CALHM1: variants seen among roughly 807,000 people sequenced by gnomAD.
CALHM1 encodes calcium homeostasis modulator 1.
CALHM1 carries 11 observed loss-of-function variants against 14.8 expected under a neutral mutation model. That is an observed-to-expected ratio of 0.74 (90% CI 0.47 to 1.23). The LOEUF is 1.23. Ranked by LOEUF, CALHM1 falls within the 50% of genes most tolerant of loss-of-function variation. The pLI, the probability that CALHM1 is intolerant of heterozygous loss-of-function variation, is 0.00. For missense variants in CALHM1, 458 were observed against 496.4 expected, an observed-to-expected ratio of 0.92 and a Z score of 0.74; for synonymous variants, 215 against 218.9, an observed-to-expected ratio of 0.98 and a Z score of 0.16.
rs2033104664 is a variant in CALHM1, at chr10:103,453,952, GCCAAGATCAAAATGAATCCTT to G, written c.*1289_*1309del. 6.6e-6 allele frequency: 1 copy of G among 152,230 alleles called. No homozygotes were observed. The highest frequency in any genetic ancestry group is 1.5e-5 in the Non-Finnish European group (1 of 68,046). 9.4% of individuals were successfully genotyped at this position (152,230 alleles called of 1,614,324 possible). On this transcript the variant is annotated 3_prime_UTR_variant, in exon 2 of 2. Transcript: ENST00000329905. ...GATGGATAAAAAAGGATGGAATCAT[GCCAAGATCAAAATGAATCCTT>G]AGATGCTTGGGACTTATGTCTCAGA...
At position 103,455,348 on chromosome 10, in the gene CALHM1, C is replaced by G. The variant is rs781144271; in HGVS notation, c.955G>C (p.Glu319Gln). The change falls in exon 2 of 2, where the codon GAG (glutamate) becomes CAG (glutamine). Residue 319 changes from glutamate (E) to glutamine (Q), a missense_variant. By Grantham distance (29) the Glu-to-Gln change is conservative. Coordinates refer to ENST00000329905, the MANE Select transcript of CALHM1 (RefSeq NM_001001412.4). Reference sequence around the variant, plus strand: ...CAGCCGTTGCCCATCAGCGGTGGCTCCTCCTGGCCCAGCCGCAGAGGCGGT... The same window carrying G: ...CAGCCGTTGCCCATCAGCGGTGGCTGCTCCTGGCCCAGCCGCAGAGGCGGT... The part of the protein sequence containing the change: ...CKPPLRLGQE[E>Q]PPLMGNGWAG... 2 of 1,613,524 alleles carry G rather than the reference C, an allele frequency of 1.2e-6. No individual in the cohort carries two copies. Among genetic ancestry groups the G allele is most frequent in the South Asian group, 2.2e-5 (2 of 91,074 alleles).
At chr10:103,457,676 GTCA>G (rs2033166703) in intron 1 of CALHM1, among the ~76,000 whole-genome samples, 1 of 152,188 alleles carries the variant, frequency 6.6e-6, no homozygotes, top group Non-Finnish European at 1.5e-5. Context: ...TGGCTGACCC[GTCA>G]GTGGTCTCTC....
chr10:103,455,780 T>A (rs2033143427), intron 1 of CALHM1, 33 bp from the exon 2 acceptor site: 1 of 1,594,090 alleles, frequency 6.3e-7, no homozygotes, highest in African/African-American at 1.3e-5. Context: ...CACGGGGCAC[T>A]GTCCTTGGGC....
Position 103,458,409 on chromosome 10 carries a change from C to T in CALHM1, c.343G>A (p.Val115Met), listed in dbSNP as rs780587749. 6 of 1,608,916 alleles carry T rather than the reference C, an allele frequency of 3.7e-6. No individual in the cohort carries two copies. Among genetic ancestry groups the T allele is most frequent in the South Asian group, 1.1e-5 (1 of 90,852 alleles). Residue 115 changes from valine to methionine, a missense_variant, in exon 1 of 2, where the codon GTG becomes ATG. Val to Met is a conservative substitution (Grantham distance 21, BLOSUM62 1). Coordinates refer to ENST00000329905, the MANE Select transcript of CALHM1 (RefSeq NM_001001412.4). This position sits in a 1 kb window ranked among gnomAD's most constrained non-coding sequence, Gnocchi z 4.9. ...TTGCCGTCGAGTAGCGTGACGGCCA[C>T]CCAGACGACAGGCGCGATGAGGGCG... Reference protein sequence around the residue: ...QRALIAPVVWVAVTLLDGKCF... With the variant: ...QRALIAPVVWMAVTLLDGKCF...
Position 103,455,673 on chromosome 10 carries a change from C to T in CALHM1, c.630G>A (p.Thr210=), listed in dbSNP as rs1170130895. ...ACTTGCTCTTGAGGAAGGCGGCCTGCGTGAAGCAGGGCCGCACAGAGCGCA... is the reference window on the plus strand; with the variant it reads ...ACTTGCTCTTGAGGAAGGCGGCCTGTGTGAAGCAGGGCCGCACAGAGCGCA... The part of the protein sequence containing the change: ...FVVRSVRPCF[T]QAAFLKSKYW... The change falls in exon 2 of 2, where the codon ACG becomes ACA. Residue 210 remains threonine, a synonymous_variant. Coordinates refer to ENST00000329905, the MANE Select transcript of CALHM1 (RefSeq NM_001001412.4). The T allele has an allele frequency of 8.1e-6, 13 of 1,613,362 alleles. No homozygotes were observed. Among genetic ancestry groups the T allele is most frequent in the East Asian group, 4.5e-5 (2 of 44,896 alleles).
In CALHM1 at chr10:103,458,605, A is replaced by C; in HGVS notation, c.147T>G (p.Asn49Lys). ...GCAGGATGCCCGCGCTGTAGGCTGCATTGTAGCCCGGCAGGCAGGGGCAGT... is the reference window on the plus strand; with the variant it reads ...GCAGGATGCCCGCGCTGTAGGCTGCCTTGTAGCCCGGCAGGCAGGGGCAGT... ...DFNCPCLPGY[N>K]AAYSAGILLA... Residue 49 changes from asparagine to lysine, a missense_variant, in exon 1 of 2, where the codon AAT (asparagine) becomes AAG (lysine). By Grantham distance (94) the Asn-to-Lys change is moderately conservative. Coordinates refer to ENST00000329905, the MANE Select transcript of CALHM1 (RefSeq NM_001001412.4). The surrounding 1 kb of genome is among the most constrained non-coding windows in gnomAD (Gnocchi z 4.9). The C allele has an allele frequency of 6.2e-7, 1 of 1,613,942 alleles. No individual in the cohort carries two copies. The highest frequency in any genetic ancestry group is 1.1e-5 in the South Asian group (1 of 91,088).
intron 1 of CALHM1, among the ~76,000 whole-genome samples, chr10:103,457,618 A>G (rs550225682): frequency 6.6e-6 from 1 of 152,150 alleles, no homozygotes; most frequent in Non-Finnish European, 1.5e-5. Flanking sequence ...ATGGGTGAGC[A>G]TGGAGGGGCA....
chr10:103,457,488 G>A (rs2033163772), intron 1 of CALHM1, among the ~76,000 whole-genome samples: 1 of 152,226 alleles, frequency 6.6e-6, no homozygotes, highest in African/African-American at 2.4e-5. Context: ...TCCTTGCAGA[G>A]CAGGCTGGCC....
rs374478309 is a variant in CALHM1, at chr10:103,458,235, G to C, written c.517C>G (p.Arg173Gly). ...CGGAGGTAACGCACGGCCACCTCTCGGGCCAACAGCCAGTCGCCATCGTAG... is the reference window on the plus strand; with the variant it reads ...CGGAGGTAACGCACGGCCACCTCTCCGGCCAACAGCCAGTCGCCATCGTAG... ...EIYDGDWLLA[R>G]EVAVRYLRCI... Residue 173 changes from arginine (R) to glycine (G), a missense_variant, in exon 1 of 2, where the codon CGA becomes GGA. Coordinates refer to ENST00000329905, the MANE Select transcript of CALHM1 (RefSeq NM_001001412.4). The surrounding 1 kb of genome is among the most constrained non-coding windows in gnomAD (Gnocchi z 4.9). The C allele has an allele frequency of 3.8e-5, 61 of 1,612,882 alleles. No homozygotes were observed. The highest frequency in any genetic ancestry group is 5.1e-5 in the Non-Finnish European group (60 of 1,179,832).
At position 103,458,894 on chromosome 10, in the gene CALHM1, G is replaced by T; in HGVS notation, c.-143C>A. 1.3e-6 allele frequency: 1 copy of T among 774,102 alleles called. No homozygotes were observed. Among genetic ancestry groups the T allele is most frequent in the Non-Finnish European group, 2.0e-6 (1 of 496,168 alleles). 48.0% of individuals were successfully genotyped at this position (774,102 alleles called of 1,614,324 possible). On this transcript the variant is annotated 5_prime_UTR_variant, in exon 1 of 2. Coordinates refer to ENST00000329905, the MANE Select transcript of CALHM1 (RefSeq NM_001001412.4). This position sits in a 1 kb window ranked among gnomAD's most constrained non-coding sequence, Gnocchi z 4.9. Reference sequence around the variant, plus strand: ...CAACAGAGCTCAGAGCAGAGGCTGAGGTCACTGTCGCTTTGAGGAATCTTT... The same window carrying T: ...CAACAGAGCTCAGAGCAGAGGCTGATGTCACTGTCGCTTTGAGGAATCTTT...
rs1554884226 is a variant in CALHM1 at position 103,453,449 on chromosome 10, A to G, written c.*1813T>C. 1 of 151,626 alleles carries G rather than the reference A, an allele frequency of 6.6e-6. No individual in the cohort carries two copies. The highest frequency in any genetic ancestry group is 1.5e-5 in the Non-Finnish European group (1 of 67,972). The allele number at this position is 151,626 out of a possible 1,614,324, so 9.4% of individuals were successfully genotyped here. On this transcript the variant is annotated 3_prime_UTR_variant, in exon 2 of 2. Transcript: ENST00000329905. ...TTATTATTATTATTACTTTACAGAG[A>G]CAGAGTCTTGCTATGTTGCCCAGGC...
Position 103,455,752 on chromosome 10 carries a change from G to A in CALHM1, c.556-5C>T. On this transcript the variant is annotated splice_region_variant and splice_polypyrimidine_tract_variant and intron_variant, in intron 1 of 1. Transcript: ENST00000329905. The stretch of plus-strand genomic sequence containing the variant: ...CACGAAGGACCAGCCCAGCGCCTGT[G>A]GGAAGATGAGAGAGAGTCACGGGGC... 6.2e-7 allele frequency: 1 copy of A among 1,608,760 alleles called. No individual in the cohort carries two copies. The highest frequency in any genetic ancestry group is 8.5e-7 in the Non-Finnish European group (1 of 1,177,180).
At chr10:103,456,726 T>C (rs1174751423) in intron 1 of CALHM1, among the ~76,000 whole-genome samples, 1 of 152,210 alleles carries the variant, frequency 6.6e-6, no homozygotes, top group Non-Finnish European at 1.5e-5. Flanking sequence ...GGGGCTGGAT[T>C]TTCTGGATTT....
rs41287500 is a variant in CALHM1, at chr10:103,455,334, C to A, written c.969G>T (p.Met323Ile). The part of the protein sequence containing the change: ...LRLGQEEPPL[M>I]GNGWAGGGPR... ...GCCCACCCCCAGCCCAGCCGTTGCC[C>A]ATCAGCGGTGGCTCCTCCTGGCCCA... The change falls in exon 2 of 2, where the codon ATG becomes ATT. Residue 323 changes from methionine to isoleucine, a missense_variant. Transcript: ENST00000329905. The A allele has an allele frequency of 7.4e-6, 12 of 1,613,610 alleles. No homozygotes were observed. In the Middle Eastern group the frequency reaches 9.9e-4, roughly 133 times the overall value.
chr10:103,455,872 G>A, intron 1 of CALHM1, 125 bp from the exon 2 acceptor site: 1 of 1,143,724 alleles, frequency 8.7e-7, no homozygotes, highest in Non-Finnish European at 1.2e-6. Flanking sequence ...AAGTGAGCTT[G>A]CCTCTTGGCC....
chr10:103,457,477 G>C (rs1312634760), intron 1 of CALHM1, among the ~76,000 whole-genome samples: 1 of 152,244 alleles, frequency 6.6e-6, no homozygotes, highest in East Asian at 1.9e-4. Context: ...CGTTTCTCCA[G>C]TCCTTGCAGA....
Position 103,458,553 on chromosome 10 carries a change from G to A in CALHM1, c.199C>T (p.Leu67Phe), listed in dbSNP as rs1275141662. 5.0e-6 allele frequency: 8 copies of A among 1,613,870 alleles called. No individual in the cohort carries two copies. The highest frequency in any genetic ancestry group is 6.8e-6 in the Non-Finnish European group (8 of 1,180,046). ...LLAPPLVLFL[L>F]GLVMNNNVSM... ...ACGTTGTTGTTCATGACCAGGCCAAGCAGAAAGAGCACCAGGGGTGGCGCC... is the reference window on the plus strand; with the variant it reads ...ACGTTGTTGTTCATGACCAGGCCAAACAGAAAGAGCACCAGGGGTGGCGCC... Residue 67 changes from leucine (L) to phenylalanine (F), a missense_variant, in exon 1 of 2, where the codon CTT (leucine) becomes TTT (phenylalanine). By Grantham distance (22) the Leu-to-Phe change is conservative. Transcript: ENST00000329905. This position sits in a 1 kb window ranked among gnomAD's most constrained non-coding sequence, Gnocchi z 4.9.
intron 1 of CALHM1, among the ~76,000 whole-genome samples, chr10:103,456,709 G>A (rs2033155214): frequency 6.6e-6 from 1 of 152,246 alleles, no homozygotes; most frequent in Non-Finnish European, 1.5e-5. Flanking sequence ...GTACACGCGG[G>A]CCTGGTGGGG....
At position 103,458,735 on chromosome 10, in the gene CALHM1, C is replaced by T. The variant is rs374966296; in HGVS notation, c.17G>A (p.Arg6Gln). ...GGACTGCAGGAACTGGAAGATCATC[C>T]GGAACTTGTCCATCATGCCCGCTGT... MMDKF[R>Q]MIFQFLQSNQ... is the part of the protein sequence containing the mutation. The change falls in exon 1 of 2, where the codon CGG (arginine) becomes CAG (glutamine). Residue 6 changes from arginine to glutamine, a missense_variant. By Grantham distance (43) the Arg-to-Gln change is conservative (BLOSUM62 1). Transcript: ENST00000329905. The surrounding 1 kb of genome is among the most constrained non-coding windows in gnomAD (Gnocchi z 4.9). 67 of 1,610,716 alleles carry T rather than the reference C, an allele frequency of 4.2e-5. No homozygotes were observed. Among genetic ancestry groups the T allele is most frequent in the Admixed American group, 6.7e-5 (4 of 59,902 alleles).
Sources: gnomAD v4.1 joint callset for allele counts (sites outside exome capture counted in the v4.1 genomes callset) on GRCh38, gnomAD v4.1.1 for gene constraint, Gnocchi (gnomAD v3.1) non-coding constraint, MANE v1.5 for transcripts, NCBI Gene and HGNC (gene_info 2026-07-23, HGNC 2026-07-21) for gene names.